PTPRD: variants seen among roughly 807,000 people sequenced by gnomAD.
The protein encoded by PTPRD is protein tyrosine phosphatase receptor type D.
A neutral mutation model predicts 214.5 loss-of-function variants in PTPRD; 34 were observed. The observed-to-expected ratio is 0.16, with a 90% CI of 0.12 to 0.21. PTPRD has a LOEUF of 0.21. Ranked by LOEUF, PTPRD falls within the 10% of genes least tolerant of loss-of-function variation. The pLI is 1.00. For synonymous variants in PTPRD, 1,128 were observed against 845.7 expected (o/e 1.33, Z -5.79); for missense variants, 2,545 against 2,398.7 (o/e 1.06, Z -1.27).
intron 35 of PTPRD, among the ~76,000 whole-genome samples, chr9:8,407,801 A>T (rs902624636): frequency 5.3e-5 from 8 of 152,218 alleles, no homozygotes; most frequent in African/African-American, 1.9e-4. Flanking sequence ...TCTTTGTGCA[A>T]CACAGCACTC....
At chr9:10,577,416 G>C (rs933878314) in intron 2 of PTPRD, among the ~76,000 whole-genome samples, 13 of 152,176 alleles carry the variant, frequency 8.5e-5, no homozygotes, top group African/African-American at 3.1e-4. Context: ...TTCTGAGACT[G>C]TGATGTTAAT....
At chr9:8,510,488 A>T (rs1222802265) in intron 21 of PTPRD, among the ~76,000 whole-genome samples, 1 of 152,028 alleles carries the variant, frequency 6.6e-6, no homozygotes, top group Non-Finnish European at 1.5e-5. Flanking sequence ...ATGTGGGCGC[A>T]CTCTTGTCCC....
intron 2 of PTPRD, among the ~76,000 whole-genome samples, chr9:10,589,293 A>G (rs949389398): frequency 2.0e-5 from 3 of 152,058 alleles, no homozygotes; most frequent in African/African-American, 4.8e-5. Flanking sequence ...AACACAGCCT[A>G]TAAGAGGGAA....
intron 11 of PTPRD, among the ~76,000 whole-genome samples, chr9:9,013,785 G>A (rs972514597): frequency 4.1e-4 from 62 of 152,268 alleles, no homozygotes; most frequent in African/African-American, 1.4e-3. Flanking sequence ...CAGTGGTGGT[G>A]AAGGTGCCAT....
intron 11 of PTPRD, among the ~76,000 whole-genome samples, chr9:8,759,871 C>T (rs988746903): frequency 3.3e-5 from 5 of 152,174 alleles, no homozygotes; most frequent in African/African-American, 1.2e-4. Flanking sequence ...AACATTATTT[C>T]CTGGACTCGT....
intron 10 of PTPRD, among the ~76,000 whole-genome samples, chr9:9,175,466 C>T (rs563898161): frequency 6.6e-6 from 1 of 151,198 alleles, no homozygotes; most frequent in East Asian, 2.0e-4. Context: ...ACTAAAAATA[C>T]AAAAAAATTA....
In PTPRD at chr9:8,564,967, G is replaced by A. The variant is rs544808544; in HGVS notation, c.353-36188C>T. Among the ~76,000 whole-genome samples, 11 of 152,214 alleles carry A rather than the reference G, an allele frequency of 7.2e-5. 1 individual carries two copies. In the East Asian group the frequency reaches 2.1e-3, roughly 29 times the overall value. On this transcript the variant is annotated intron_variant, in intron 14 of 45. Coordinates refer to ENST00000381196, the MANE Select transcript of PTPRD (RefSeq NM_002839.4). ...GATTCTCAAAATGTAGCCACTGGTT[G>A]GATAAAAATCCTCAGCAAAATTTGT...
chr9:8,358,812 GAAA>G (rs979958970), intron 39 of PTPRD, among the ~76,000 whole-genome samples: 2 of 149,488 alleles, frequency 1.3e-5, no homozygotes, highest in Non-Finnish European at 3.0e-5. Context: ...ATCCTCTCAG[GAAA>G]AAAAAATGTA....
chr9:10,452,353 T>A (rs1324032541), intron 2 of PTPRD, among the ~76,000 whole-genome samples: 1 of 151,782 alleles, frequency 6.6e-6, no homozygotes, highest in Non-Finnish European at 1.5e-5. Context: ...GAGTGATTGA[T>A]GGATTTTACG....
intron 36 of PTPRD, among the ~76,000 whole-genome samples, chr9:8,392,402 T>C (rs1300435516): frequency 6.6e-6 from 1 of 151,988 alleles, no homozygotes; most frequent in Non-Finnish European, 1.5e-5. Context: ...CATGCACGCC[T>C]GTAGTCCCAG....
At chr9:10,569,505 G>GTC (rs141331871) in intron 2 of PTPRD, among the ~76,000 whole-genome samples, 3,003 of 143,300 alleles carry the variant, frequency 0.021, 32 homozygotes, top group African/African-American at 0.03. Context: ...GTATATGCAT[G>GTC]TCTCTCTCTC....
chr9:10,532,623 T>C (rs1393665825), intron 2 of PTPRD, among the ~76,000 whole-genome samples: 1 of 147,690 alleles, frequency 6.8e-6, no homozygotes, highest in African/African-American at 2.5e-5. Flanking sequence ...TATTAGATAT[T>C]TATATATATT....
chr9:9,462,351 C>T (rs1459698019), intron 8 of PTPRD, among the ~76,000 whole-genome samples: 1 of 152,026 alleles, frequency 6.6e-6, no homozygotes, highest in Admixed American at 6.6e-5. Context: ...AATAATAGTT[C>T]TCATTTGTCA....
intron 9 of PTPRD, among the ~76,000 whole-genome samples, chr9:9,198,953 C>T (rs2099940274): frequency 1.3e-5 from 2 of 152,092 alleles, no homozygotes; most frequent in African/African-American, 4.8e-5. Flanking sequence ...ACTTGGGTGA[C>T]TTTTCAGGAA....
At position 10,106,850 on chromosome 9, in the gene PTPRD, G is replaced by A. The variant is rs1816448047; in HGVS notation, c.-544-73060C>T. The stretch of plus-strand genomic sequence containing the variant: ...TCTATATGTTTCATTGAAACTTTTG[G>A]CAGTGACATACAGAAAGGAAAGGGA... On this transcript the variant is annotated intron_variant, in intron 3 of 45. Transcript: ENST00000381196. Among the ~76,000 whole-genome samples the A allele has an allele frequency of 2.6e-5, 4 of 151,890 alleles. No homozygotes were observed. The South Asian group carries it at 8.3e-4, about 32-fold the overall frequency.
rs67735335 is a variant in PTPRD, at chr9:9,613,135, C to CATATAT, written c.-286-38360_-286-38355dup. 4.2e-3 allele frequency among the ~76,000 whole-genome samples: 200 copies of CATATAT among 47,766 alleles called. 6 individuals carry two copies. The highest frequency in any genetic ancestry group is 0.014 in the African/African-American group (156 of 11,422). 31.3% of individuals were successfully genotyped at this position (47,766 alleles called of 152,430 possible). On this transcript the variant is annotated intron_variant, in intron 7 of 45. Coordinates refer to ENST00000381196, the MANE Select transcript of PTPRD (RefSeq NM_002839.4). ...AGCTAGGCTGCAGTATACATACATA[C>CATATAT]ATATATATATATATATATATATATA...
intron 3 of PTPRD, among the ~76,000 whole-genome samples, chr9:10,142,955 A>G (rs2098996720): frequency 6.6e-6 from 1 of 151,902 alleles, no homozygotes; most frequent in Non-Finnish European, 1.5e-5. Flanking sequence ...ATAAAAAATG[A>G]TGAGTTCATG....
chr9:9,788,588 A>G (rs2098944061), intron 5 of PTPRD, among the ~76,000 whole-genome samples: 1 of 151,658 alleles, frequency 6.6e-6, no homozygotes, highest in African/African-American at 2.4e-5. Flanking sequence ...AAAGAAAACT[A>G]AAACAGCTTT....
chr9:9,900,390 A>G (rs1051921974), intron 5 of PTPRD, among the ~76,000 whole-genome samples: 3 of 152,196 alleles, frequency 2.0e-5, no homozygotes, highest in Non-Finnish European at 4.4e-5. Context: ...CATGGACCCA[A>G]TTTAGCCAAG....
Sources: gnomAD v4.1 joint callset for allele counts (sites outside exome capture counted in the v4.1 genomes callset) on GRCh38, gnomAD v4.1.1 for gene constraint, MANE v1.5 for transcripts, NCBI Gene and HGNC (gene_info 2026-07-23, HGNC 2026-07-21) for gene names.